SLC39A11: variants seen among roughly 807,000 people sequenced by gnomAD.
SLC39A11 encodes the protein solute carrier family 39 member 11, also known as zinc transporter ZIP11.
Under a neutral mutation model 36.1 loss-of-function variants are expected in SLC39A11, and 33 were observed. The observed-to-expected ratio is 0.91, with a 90% confidence interval of 0.69 to 1.22. The LOEUF (loss-of-function observed/expected upper bound fraction) is 1.22, where lower values mean the gene tolerates loss of function less well. Ranked by LOEUF, SLC39A11 falls within the 50% of genes most tolerant of loss-of-function variation. SLC39A11 has a pLI of 0.00. For synonymous variants in SLC39A11, 166 were observed against 170.3 expected, an observed-to-expected ratio of 0.97 and a Z score of 0.20; for missense variants, 432 against 430.3, an observed-to-expected ratio of 1.00 and a Z score of -0.03.
Position 72,900,000 on chromosome 17 carries a change from G to GAGAA in SLC39A11, c.430+47748_430+47751dup, listed in dbSNP as rs1262808787. 2.7e-3 allele frequency among the ~76,000 whole-genome samples: 66 copies of GAGAA among 24,026 alleles called. No individual in the cohort carries two copies. The African/African-American group carries it at 0.083, about 30-fold the overall frequency. The allele number at this position is 24,026 out of a possible 152,430, so 15.8% of individuals were successfully genotyped here. On this transcript the variant is annotated intron_variant, in intron 5 of 9. Coordinates refer to ENST00000255559, the MANE Select transcript of SLC39A11 (RefSeq NM_139177.4). ...AGAGAGAGAAAGAAAGAGAGAGAGAGAGAAAGAGAGAGAGAGAGAAAGAGA... is the reference window on the plus strand; with the variant it reads ...AGAGAGAGAAAGAAAGAGAGAGAGAGAGAAAGAAAGAGAGAGAGAGAGAAAGAGA...
chr17:72,968,804 C>T (rs887592321), intron 4 of SLC39A11, among the ~76,000 whole-genome samples: 12 of 152,174 alleles, frequency 7.9e-5, no homozygotes, highest in Admixed American at 2.6e-4. Flanking sequence ...CACGTGCGGA[C>T]GACACAATCC....
At chr17:72,877,652 G>A (rs1299134232) in intron 5 of SLC39A11, among the ~76,000 whole-genome samples, 1 of 152,126 alleles carries the variant, frequency 6.6e-6, no homozygotes, top group Non-Finnish European at 1.5e-5. Flanking sequence ...GCTTTCTCTA[G>A]CTGCCTGATT....
chr17:73,046,092 A>T (rs1315833831), intron 3 of SLC39A11, among the ~76,000 whole-genome samples: 3 of 152,184 alleles, frequency 2.0e-5, no homozygotes, highest in African/African-American at 7.2e-5. Context: ...CACTGATACA[A>T]AACGCAAAGA....
At chr17:72,868,724 G>A (rs914725796) in intron 5 of SLC39A11, among the ~76,000 whole-genome samples, 1 of 150,004 alleles carries the variant, frequency 6.7e-6, no homozygotes. Flanking sequence ...TGGGAGGATA[G>A]TTTGAGCCCA....
intron 5 of SLC39A11, among the ~76,000 whole-genome samples, chr17:72,917,198 G>A (rs189132423): frequency 6.6e-6 from 1 of 152,298 alleles, no homozygotes; most frequent in East Asian, 1.9e-4. Context: ...GCACACACGT[G>A]GTTAACACAC....
intron 5 of SLC39A11, among the ~76,000 whole-genome samples, chr17:72,886,825 C>G (rs8078564): frequency 0.52 from 79,255 of 152,080 alleles, 22,593 homozygotes; most frequent in African/African-American, 0.75. Flanking sequence ...CGAATGCTCC[C>G]TGTGACCCGG....
At chr17:72,697,256 T>C (rs1298599035) in intron 7 of SLC39A11, among the ~76,000 whole-genome samples, 2 of 152,280 alleles carry the variant, frequency 1.3e-5, no homozygotes, top group East Asian at 3.9e-4. Flanking sequence ...CTAATTTTTG[T>C]ATTTTTTGTA....
intron 3 of SLC39A11, among the ~76,000 whole-genome samples, chr17:73,036,082 T>C (rs2058903591): frequency 6.6e-6 from 1 of 152,188 alleles, no homozygotes; most frequent in Non-Finnish European, 1.5e-5. Flanking sequence ...CCAGCCCTGC[T>C]GCCACCTTGA....
chr17:72,947,251 T>C (rs1346260988), intron 5 of SLC39A11, among the ~76,000 whole-genome samples: 1 of 151,018 alleles, frequency 6.6e-6, no homozygotes, highest in South Asian at 2.1e-4. Context: ...AAGGTGGAAG[T>C]TGCAGTGGGC....
At chr17:73,004,044 C>T (rs1032477568) in intron 4 of SLC39A11, among the ~76,000 whole-genome samples, 1 of 150,702 alleles carries the variant, frequency 6.6e-6, no homozygotes, top group African/African-American at 2.4e-5. Context: ...CAAGATCGCA[C>T]CACTGCCCTC....
intron 6 of SLC39A11, among the ~76,000 whole-genome samples, chr17:72,786,062 C>T (rs2076502993): frequency 1.3e-5 from 2 of 152,162 alleles, no homozygotes; most frequent in Non-Finnish European, 1.5e-5. Context: ...TATCAGAAAC[C>T]GACAGGGAGG....
chr17:72,754,496 A>T (rs540634883), intron 6 of SLC39A11, among the ~76,000 whole-genome samples: 1 of 152,354 alleles, frequency 6.6e-6, no homozygotes, highest in East Asian at 1.9e-4. Context: ...GCTTCAACTT[A>T]GCAGTTGGCC....
At chr17:73,029,651 G>A (rs902313069) in intron 4 of SLC39A11, among the ~76,000 whole-genome samples, 2 of 151,430 alleles carry the variant, frequency 1.3e-5, no homozygotes, top group African/African-American at 4.9e-5. Context: ...GCACCATCTC[G>A]GCTCACTGCA....
intron 7 of SLC39A11, among the ~76,000 whole-genome samples, chr17:72,670,737 G>A (rs752691217): frequency 9.2e-5 from 14 of 152,154 alleles, no homozygotes; most frequent in Admixed American, 1.3e-4. Flanking sequence ...CAAAAGATGC[G>A]TTTTGATATG....
chr17:72,648,925 G>T lies in SLC39A11; in HGVS notation c.807C>A (p.Ala269=). 1 of 1,613,836 alleles carries T rather than the reference G, an allele frequency of 6.2e-7. No homozygotes were observed. Among genetic ancestry groups the T allele is most frequent in the South Asian group, 1.1e-5 (1 of 91,060 alleles). The change falls in exon 9 of 10, where the codon GCC becomes GCA. Residue 269 remains alanine, a synonymous_variant. Coordinates refer to ENST00000255559, the MANE Select transcript of SLC39A11 (RefSeq NM_139177.4). ...GQLSGMVEPL[A]GVFGAFAVVL... ...CCACGGCAAAGGCACCAAAGACCCC[G>T]GCCAGGGGCTCCACCATGCCGCTCA... is the stretch of plus-strand genomic sequence containing the variant.
At chr17:72,975,621 GA>G (rs2087788189) in intron 4 of SLC39A11, among the ~76,000 whole-genome samples, 1 of 152,162 alleles carries the variant, frequency 6.6e-6, no homozygotes, top group Non-Finnish European at 1.5e-5. Context: ...AGACCTGTGA[GA>G]AATAAATGTC....
At chr17:72,773,593 G>A (rs922586297) in intron 6 of SLC39A11, among the ~76,000 whole-genome samples, 58 of 150,644 alleles carry the variant, frequency 3.9e-4, no homozygotes, top group African/African-American at 1.3e-3. Context: ...CCAGTCTCAG[G>A]TATGTCTTTA....
chr17:72,678,253 T>C (rs1041634196), intron 7 of SLC39A11, among the ~76,000 whole-genome samples: 1 of 152,318 alleles, frequency 6.6e-6, no homozygotes, highest in East Asian at 1.9e-4. Flanking sequence ...TATGTAAAGC[T>C]TGTGGGGGAG....
chr17:72,884,488 T>C lies in SLC39A11; in HGVS notation c.431-34684A>G, dbSNP rs527884119. On this transcript the variant is annotated intron_variant, in intron 5 of 9. Coordinates refer to ENST00000255559, the MANE Select transcript of SLC39A11 (RefSeq NM_139177.4). ...CTACCTGGAGGTGAATAATCTCCTC[T>C]TGGCTTTATTTAATGTTCAATACAA... 7.7e-4 allele frequency among the ~76,000 whole-genome samples: 118 copies of C among 152,374 alleles called. 1 individual carries two copies. The highest frequency in any genetic ancestry group is 2.7e-3 in the African/African-American group (113 of 41,590).
Sources: gnomAD v4.1 joint callset for allele counts (sites outside exome capture counted in the v4.1 genomes callset) on GRCh38, gnomAD v4.1.1 for gene constraint, MANE v1.5 for transcripts, NCBI Gene and HGNC (gene_info 2026-07-23, HGNC 2026-07-21) for gene names.